Variants in CNTNAP2 observed in about 807,000 individuals in gnomAD.
The protein encoded by CNTNAP2 is contactin-associated protein-like 2.
CNTNAP2 carries 98 observed loss-of-function variants against 155.2 expected under a neutral mutation model. The ratio of observed to expected loss-of-function variants is 0.63; its 90% CI spans 0.54 to 0.75. The LOEUF is 0.75. CNTNAP2 is among the 30% of genes least tolerant of loss of function. CNTNAP2 has a pLI of 0.00. For missense variants in CNTNAP2, 1,727 were observed against 1,688.1 expected (o/e 1.02, Z -0.40); for synonymous variants, 651 against 631.2 (o/e 1.03, Z -0.47).
rs140002503 is a variant in CNTNAP2 at position 147,275,429 on chromosome 7, G to C, written c.1349-24712G>C. On this transcript the variant is annotated intron_variant, in intron 8 of 23. Coordinates refer to ENST00000361727, the MANE Select transcript of CNTNAP2 (RefSeq NM_014141.6). ...CTTGTGTATGTTTGTGTGTGTGTGT[G>C]TGTGTGTGGCTATTGTAAGTGAAAT... 1.8e-3 allele frequency among the ~76,000 whole-genome samples: 270 copies of C among 151,940 alleles called. 3 individuals are homozygous for C. Among genetic ancestry groups the C allele is most frequent in the African/African-American group, 6.2e-3 (259 of 41,480 alleles).
At chr7:147,383,609 G>A (rs564398303) in intron 9 of CNTNAP2, among the ~76,000 whole-genome samples, 8 of 152,110 alleles carry the variant, frequency 5.3e-5, no homozygotes, top group Non-Finnish European at 7.4e-5. Context: ...ACCACGCACC[G>A]GGGCCTGTCG....
At chr7:146,785,119 C>T (rs949463849) in intron 2 of CNTNAP2, among the ~76,000 whole-genome samples, 1 of 151,838 alleles carries the variant, frequency 6.6e-6, no homozygotes, top group African/African-American at 2.4e-5. Context: ...TATAGACTCG[C>T]ACCACCATGC....
chr7:147,472,055 C>G (rs186893055), intron 10 of CNTNAP2, among the ~76,000 whole-genome samples: 91 of 152,244 alleles, frequency 6.0e-4, no homozygotes, highest in Non-Finnish European at 1.2e-3. Flanking sequence ...CAGTTGACAC[C>G]TGCCCTTGTT....
At chr7:147,026,242 G>A (rs971987579) in intron 3 of CNTNAP2, among the ~76,000 whole-genome samples, 11 of 152,128 alleles carry the variant, frequency 7.2e-5, no homozygotes, top group African/African-American at 1.2e-4. Context: ...CCTGAGATAC[G>A]TATGAAAGCA....
chr7:146,972,321 T>C (rs1338023297), intron 3 of CNTNAP2, among the ~76,000 whole-genome samples: 1 of 152,188 alleles, frequency 6.6e-6, no homozygotes, highest in Admixed American at 6.6e-5. Context: ...TAAAATAAAA[T>C]TGTATTCTTG....
At chr7:147,297,292 C>T (rs993025598) in intron 8 of CNTNAP2, among the ~76,000 whole-genome samples, 4 of 150,730 alleles carry the variant, frequency 2.7e-5, no homozygotes, top group African/African-American at 9.8e-5. Flanking sequence ...CATTCACACC[C>T]ACTATGTACC....
At chr7:148,055,090 G>T (rs1006220630) in intron 15 of CNTNAP2, among the ~76,000 whole-genome samples, 3 of 151,790 alleles carry the variant, frequency 2.0e-5, no homozygotes, top group Admixed American at 1.3e-4. Context: ...TACCATGTTG[G>T]CCAGGTTGGT....
In CNTNAP2 at chr7:147,930,175, C is replaced by T. The variant is rs1192395772; in HGVS notation, c.2255+26454C>T. ...AAGGAGAAATGGGACAAAATAAATA[C>T]AAGACAAACAAACAAACAAAAAAGG... On this transcript the variant is annotated intron_variant, in intron 14 of 23. Transcript: ENST00000361727. 2.0e-5 allele frequency among the ~76,000 whole-genome samples: 3 copies of T among 151,644 alleles called. No individual in the cohort carries two copies. In the East Asian group the frequency reaches 5.8e-4, roughly 29 times the overall value.
At chr7:148,155,046 C>T (rs969951892) in intron 17 of CNTNAP2, among the ~76,000 whole-genome samples, 6 of 152,228 alleles carry the variant, frequency 3.9e-5, no homozygotes, top group African/African-American at 1.4e-4. Context: ...TGAATGCTGA[C>T]TGAGACACCC....
chr7:146,894,419 ACT>A (rs1795836975), intron 3 of CNTNAP2, among the ~76,000 whole-genome samples: 2 of 148,904 alleles, frequency 1.3e-5, no homozygotes, highest in African/African-American at 2.5e-5. Context: ...CATTTTTAAA[ACT>A]CTGTGTGTTT....
At chr7:147,870,783 T>G (rs1355469829) in intron 13 of CNTNAP2, among the ~76,000 whole-genome samples, 1 of 152,116 alleles carries the variant, frequency 6.6e-6, no homozygotes, top group Non-Finnish European at 1.5e-5. Context: ...AAATGGAACA[T>G]AAGGAGGATG....
chr7:147,664,930 G>A (rs1416721808), intron 13 of CNTNAP2, among the ~76,000 whole-genome samples: 1 of 152,160 alleles, frequency 6.6e-6, no homozygotes, highest in Non-Finnish European at 1.5e-5. Flanking sequence ...GTGCCAGGTG[G>A]CCCATAGTTC....
At chr7:148,344,134 G>A (rs750705178) in intron 21 of CNTNAP2, among the ~76,000 whole-genome samples, 6 of 152,162 alleles carry the variant, frequency 3.9e-5, no homozygotes, top group Non-Finnish European at 8.8e-5. Flanking sequence ...CAGAGCCTTT[G>A]ACTCAGTCTC....
chr7:147,181,249 A>G (rs1302041368), intron 8 of CNTNAP2, among the ~76,000 whole-genome samples: 1 of 152,154 alleles, frequency 6.6e-6, no homozygotes, highest in African/African-American at 2.4e-5. Flanking sequence ...GGGAAAACAC[A>G]TCTCCAAAGG....
At chr7:146,325,587 C>T (rs113144336) in intron 1 of CNTNAP2, among the ~76,000 whole-genome samples, 144 of 152,012 alleles carry the variant, frequency 9.5e-4, no homozygotes, top group African/African-American at 2.7e-3. Flanking sequence ...CAGATGGACA[C>T]GCCCCCCTAT....
At chr7:146,243,910 A>T (rs1441462546) in intron 1 of CNTNAP2, among the ~76,000 whole-genome samples, 1 of 152,136 alleles carries the variant, frequency 6.6e-6, no homozygotes, top group African/African-American at 2.4e-5. Context: ...ATGGAGAGAT[A>T]ATGGGCGATG....
At chr7:148,047,784 G>T (rs968086470) in intron 15 of CNTNAP2, among the ~76,000 whole-genome samples, 2 of 152,182 alleles carry the variant, frequency 1.3e-5, no homozygotes, top group African/African-American at 4.8e-5. Context: ...AAGTAGATGA[G>T]TTTGCAAACA....
chr7:147,585,158 G>C (rs727639), intron 12 of CNTNAP2, among the ~76,000 whole-genome samples: 1 of 151,948 alleles, frequency 6.6e-6, no homozygotes, highest in East Asian at 1.9e-4. Context: ...TCCATATGTC[G>C]GTTCCAAATC....
chr7:146,666,416 T>TAAGA (rs750601315), intron 1 of CNTNAP2, among the ~76,000 whole-genome samples: 2 of 152,196 alleles, frequency 1.3e-5, no homozygotes, highest in Non-Finnish European at 2.9e-5. Flanking sequence ...ACGCCTAAGT[T>TAAGA]GATTCCGTAT....
Sources: allele counts gnomAD v4.1 joint callset (sites outside exome capture counted in the v4.1 genomes callset), GRCh38; gene constraint gnomAD v4.1.1; transcripts MANE v1.5; gene names NCBI Gene and HGNC (gene_info 2026-07-23, HGNC 2026-07-21).